Variants in SRPX2 observed in about 807,000 individuals in gnomAD.
SRPX2 encodes sushi repeat-containing protein SRPX2.
SRPX2 carries 26 observed loss-of-function variants against 45.3 expected under a neutral mutation model. The ratio of observed to expected loss-of-function variants is 0.57; its 90% CI spans 0.42 to 0.80. The LOEUF (loss-of-function observed/expected upper bound fraction) is 0.80, where lower values mean the gene tolerates loss of function less well. Among genes scored for constraint, SRPX2 ranks in the 30% least tolerant of loss-of-function variants. SRPX2 has a pLI of 0.00. For missense variants in SRPX2, 355 were observed against 399.8 expected (o/e 0.89, Z 0.95); for synonymous variants, 125 against 143.7 (o/e 0.87, Z 0.93).
intron 2 of SRPX2, 122 bp from the exon 3 acceptor site, chrX:100,650,663 G>C (rs1412149870): frequency 9.8e-6 from 6 of 615,023 alleles, no homozygotes; most frequent in Non-Finnish European, 1.3e-5. Context: ...TATCCACCTG[G>C]CTCCCCACCC....
chrX:100,647,050 A>G (rs1205336570), intron 2 of SRPX2, among the ~76,000 whole-genome samples: 1 of 111,758 alleles, frequency 8.9e-6, no homozygotes, highest in Admixed American at 9.5e-5. Flanking sequence ...TTCACTCTTC[A>G]CCCAGAGAGC....
At chrX:100,648,555 GA>G (rs200966777) in intron 2 of SRPX2, among the ~76,000 whole-genome samples, 203 of 110,752 alleles carry the variant, frequency 1.8e-3, no homozygotes, top group African/African-American at 6.3e-3. Context: ...TTGCAAAAAA[GA>G]AAAAAAACTC....
At chrX:100,646,722 TTA>T (rs10562850) in intron 2 of SRPX2, among the ~76,000 whole-genome samples, 15,753 of 110,772 alleles carry the variant, frequency 0.14, 946 homozygotes, top group South Asian at 0.31. Flanking sequence ...ATGAAATCCT[TTA>T]TGAGTCAAAT....
rs1308709064 is a variant in SRPX2, at chrX:100,666,777, C to T, written c.805C>T (p.Pro269Ser). The change falls in exon 8 of 11, where the codon CCT becomes TCT. Residue 269 changes from proline to serine, a missense_variant. Pro to Ser is a moderately conservative substitution (Grantham distance 74). Transcript: ENST00000373004. Reference sequence around the variant, plus strand: ...AGTGAGACGCTGCCCAACTCTGAAACCTCCGCAGCACGGCTACCTCACCTG... The same window carrying T: ...AGTGAGACGCTGCCCAACTCTGAAATCTCCGCAGCACGGCTACCTCACCTG... ...VQVRRCPTLK[P>S]PQHGYLTCTS... is the part of the protein sequence containing the mutation. 2 of 1,212,178 alleles carry T rather than the reference C, an allele frequency of 1.6e-6. No homozygotes were observed. Among genetic ancestry groups the T allele is most frequent in the Non-Finnish European group, 2.2e-6 (2 of 895,653 alleles).
Position 100,648,417 on chromosome X carries a change from G to A in SRPX2, c.82+2013G>A, listed in dbSNP as rs766730503. On this transcript the variant is annotated intron_variant, in intron 2 of 10. Coordinates refer to ENST00000373004, the MANE Select transcript of SRPX2 (RefSeq NM_014467.3). ...ACCACACAGTAACCAAGCACTGATT[G>A]ATCTAAAGGAACTGAGGAATGCTCC... Among the ~76,000 whole-genome samples, 4 of 111,971 alleles carry A rather than the reference G, an allele frequency of 3.6e-5. No individual in the cohort carries two copies. In the East Asian group the frequency reaches 1.1e-3, roughly 32 times the overall value.
chrX:100,669,419 G>A (rs1324761332), intron 10 of SRPX2, 50 bp downstream of exon 10: 2 of 910,987 alleles, frequency 2.2e-6, no homozygotes, highest in South Asian at 4.3e-5. Context: ...GCTGGGGCGG[G>A]GGGAGAAACC....
chrX:100,670,849 G>C lies in SRPX2; in HGVS notation c.1260G>C (p.Leu420Phe), dbSNP rs750515523. The C allele has an allele frequency of 8.3e-7, 1 of 1,209,557 alleles. No individual in the cohort carries two copies. The highest frequency in any genetic ancestry group is 2.2e-5 in the Admixed American group (1 of 45,708). ...RLTRSYFNMV[L>F]IDKQGIDRDR... ...CTCGCTCCTACTTCAACATGGTGTT[G>C]ATTGACAAGCAGGGTATTGACCGAG... Residue 420 changes from leucine to phenylalanine, a missense_variant, in exon 11 of 11, where the codon TTG becomes TTC. Coordinates refer to ENST00000373004, the MANE Select transcript of SRPX2 (RefSeq NM_014467.3).
intron 3 of SRPX2, among the ~76,000 whole-genome samples, chrX:100,656,977 G>A (rs1377524863): frequency 9.1e-6 from 1 of 109,344 alleles, no homozygotes; most frequent in African/African-American, 3.3e-5. Context: ...GCACAGGCTG[G>A]AGTGCAGTGG....
intron 3 of SRPX2, among the ~76,000 whole-genome samples, chrX:100,653,803 C>T (rs2083160651): frequency 8.9e-6 from 1 of 112,566 alleles, no homozygotes; most frequent in Non-Finnish European, 1.9e-5. Flanking sequence ...CTTTGGTTAA[C>T]TTTTTATTAC....
intron 2 of SRPX2, among the ~76,000 whole-genome samples, chrX:100,646,753 T>C (rs781379610): frequency 2.7e-5 from 3 of 111,537 alleles, no homozygotes; most frequent in Non-Finnish European, 3.8e-5. Context: ...ATATTAATTC[T>C]TTTATGAGTC....
intron 3 of SRPX2, among the ~76,000 whole-genome samples, chrX:100,652,927 A>G (rs758558249): frequency 1.8e-5 from 2 of 111,295 alleles, no homozygotes; most frequent in Non-Finnish European, 3.8e-5. Context: ...CTGAAATGAC[A>G]TCTCTTGAAG....
chrX:100,646,730 C>G (rs1031158682), intron 2 of SRPX2, among the ~76,000 whole-genome samples: 2 of 110,961 alleles, frequency 1.8e-5, no homozygotes, highest in Non-Finnish European at 3.8e-5. Context: ...CTTTATGAGT[C>G]AAATCTTTAT....
rs777764980 is a variant in SRPX2 at position 100,660,225 on chromosome X, G to C, written c.164-1951G>C. Among the ~76,000 whole-genome samples the C allele has an allele frequency of 1.3e-3, 150 of 111,232 alleles. 1 individual carries two copies. The highest frequency in any genetic ancestry group is 2.2e-3 in the Non-Finnish European group (119 of 53,060). The stretch of plus-strand genomic sequence containing the variant: ...CTGTGAGTTTTGACAACTGCATAGG[G>C]TCACATAACTCCCACCACAGTATGA... On this transcript the variant is annotated intron_variant, in intron 3 of 10. Transcript: ENST00000373004.
In SRPX2 at chrX:100,651,788, C is replaced by CAA. The variant is rs11362148; in HGVS notation, c.163+942_163+943dup. Among the ~76,000 whole-genome samples the CAA allele has an allele frequency of 8.3e-3, 495 of 59,475 alleles. 11 individuals are homozygous for CAA. The highest frequency in any genetic ancestry group is 9.4e-3 in the Non-Finnish European group (304 of 32,452). The allele number at this position is 59,475 out of a possible 115,157, so 51.6% of individuals were successfully genotyped here. A position where few individuals can be genotyped will look rare whatever the true frequency, so the allele number is the denominator to read the frequency against. On this transcript the variant is annotated intron_variant, in intron 3 of 10. Coordinates refer to ENST00000373004, the MANE Select transcript of SRPX2 (RefSeq NM_014467.3). ...TGGGTGACAAAGCAAGGCTCTGTCTCAAAAAAAAAAAAAAAAAAAAGTTAA... is the reference window on the plus strand; with the variant it reads ...TGGGTGACAAAGCAAGGCTCTGTCTCAAAAAAAAAAAAAAAAAAAAAAGTTAA...
In SRPX2 at chrX:100,675,329, T is replaced by C. The variant is rs1431353260; in HGVS notation, c.*4342T>C. On this transcript the variant is annotated 3_prime_UTR_variant, in exon 11 of 11. Transcript: ENST00000373004. ...ATACATTATCTAATTAAAGTGCTTT[T>C]CAAAAGCAGCTCCATTATAAGAGTC... is the stretch of plus-strand genomic sequence containing the variant. 2 of 112,499 alleles carry C rather than the reference T, an allele frequency of 1.8e-5. No homozygotes were observed. Among genetic ancestry groups the C allele is most frequent in the African/African-American group, 6.5e-5 (2 of 30,822 alleles). The allele number at this position is 112,499 out of a possible 1,213,427, so 9.3% of individuals were successfully genotyped here.
At chrX:100,644,872 G>C (rs1015500551) in intron 1 of SRPX2, among the ~76,000 whole-genome samples, 4 of 111,218 alleles carry the variant, frequency 3.6e-5, no homozygotes, top group Non-Finnish European at 7.5e-5. Context: ...ATGTGGGAGA[G>C]GGGTCAGTGA....
intron 3 of SRPX2, among the ~76,000 whole-genome samples, chrX:100,655,303 C>T (rs142159515): frequency 9.0e-6 from 1 of 110,640 alleles, no homozygotes; most frequent in African/African-American, 3.3e-5. Context: ...ATATGCTACT[C>T]TATGTATTAA....
In SRPX2 at chrX:100,662,405, G is replaced by C. The variant is rs183258471; in HGVS notation, c.355+38G>C. 29 of 1,200,225 alleles carry C rather than the reference G, an allele frequency of 2.4e-5. No individual in the cohort carries two copies. In the African/African-American group the frequency reaches 4.2e-4, roughly 17 times the overall value. ...TGTGCATATGCTGATGTATGTATGC[G>C]AGAGAAGCCAGCCAGCCAGCTGCTG... On this transcript the variant is annotated intron_variant, in intron 4 of 10. Coordinates refer to ENST00000373004, the MANE Select transcript of SRPX2 (RefSeq NM_014467.3).
At chrX:100,664,186 G>A (rs1386554476) in intron 4 of SRPX2, among the ~76,000 whole-genome samples, 1 of 105,818 alleles carries the variant, frequency 9.5e-6, no homozygotes, top group African/African-American at 3.4e-5. Context: ...GCTAGTAAGA[G>A]GTAGAACTGG....
Sources: gnomAD v4.1 joint callset for allele counts (sites outside exome capture counted in the v4.1 genomes callset) on GRCh38, gnomAD v4.1.1 for gene constraint, MANE v1.5 for transcripts, NCBI Gene and HGNC (gene_info 2026-07-23, HGNC 2026-07-21) for gene names.